Variants in RAB2B observed in about 807,000 individuals in gnomAD.
RAB2B encodes the protein ras-related protein Rab-2B.
In RAB2B, 20 loss-of-function variants were observed where a neutral mutation model predicts 29.8. The observed-to-expected ratio is 0.67, with a 90% CI of 0.47 to 0.97. The LOEUF is 0.97. RAB2B is among the 50% of genes least tolerant of loss of function. RAB2B has a pLI of 0.00. For missense variants in RAB2B, 218 were observed against 272.0 expected (o/e 0.80, Z 1.40); for synonymous variants, 93 against 91.7 (o/e 1.01, Z -0.08).
chr14:21,461,428 T>G (rs1890553757), intron 7 of RAB2B, 125 bp from the exon 8 acceptor site: 1 of 611,858 alleles, frequency 1.6e-6, no homozygotes. Context: ...GAGAAATCAT[T>G]AATTATATTT....
chr14:21,473,851 A>G lies in RAB2B; in HGVS notation c.186+1016T>C, dbSNP rs550850423. ...CACGGTGAAACCCCCTCTCTACTAA[A>G]AATACAAAAAATTAGCCAGGCGTGG... is the stretch of plus-strand genomic sequence containing the variant. On this transcript the variant is annotated intron_variant, in intron 3 of 7. Transcript: ENST00000397762. Among the ~76,000 whole-genome samples the G allele has an allele frequency of 3.3e-5, 5 of 152,102 alleles. No individual in the cohort carries two copies. The East Asian group carries it at 9.7e-4, about 29-fold the overall frequency.
At chr14:21,461,821 C>A (rs924972250) in intron 7 of RAB2B, among the ~76,000 whole-genome samples, 6 of 152,200 alleles carry the variant, frequency 3.9e-5, no homozygotes, top group Non-Finnish European at 7.3e-5. Context: ...CTCCCCAGCT[C>A]AGCCTCTCCA....
intron 5 of RAB2B, among the ~76,000 whole-genome samples, chr14:21,465,607 C>T (rs989834357): frequency 6.6e-6 from 1 of 152,164 alleles, no homozygotes; most frequent in Non-Finnish European, 1.5e-5. Flanking sequence ...CCAGAGTGAT[C>T]TTTTAAAATC....
intron 6 of RAB2B, 112 bp from the exon 7 acceptor site, chr14:21,462,530 T>A: frequency 9.6e-7 from 1 of 1,043,124 alleles, no homozygotes; most frequent in East Asian, 2.9e-5. Flanking sequence ...TAGGAACCAT[T>A]AGAAGACAGT....
At position 21,469,945 on chromosome 14, in the gene RAB2B, CCTTT is replaced by C. The variant is rs374394923; in HGVS notation, c.187-1197_187-1194del. Among the ~76,000 whole-genome samples, 110 of 148,962 alleles carry C rather than the reference CCTTT, an allele frequency of 7.4e-4. 1 individual carries two copies. In the East Asian group the frequency reaches 0.016, roughly 22 times the overall value. On this transcript the variant is annotated intron_variant, in intron 3 of 7. Transcript: ENST00000397762. Reference sequence around the variant, plus strand: ...AACCCTGGGGCCGATATTATTATTCCCTTTTTTTTTTTCTTTTTTTTTTTGAGAG... The same window carrying C: ...AACCCTGGGGCCGATATTATTATTCCTTTTTTTTCTTTTTTTTTTTGAGAG...
intron 5 of RAB2B, among the ~76,000 whole-genome samples, chr14:21,464,277 G>C (rs1445340461): frequency 6.6e-6 from 1 of 152,190 alleles, no homozygotes; most frequent in Non-Finnish European, 1.5e-5. Flanking sequence ...GCAGGTGCCT[G>C]TAATCCCAGC....
chr14:21,476,767 C>T (rs764557099), intron 1 of RAB2B, 60 bp downstream of exon 1: 2 of 1,605,144 alleles, frequency 1.2e-6, no homozygotes, highest in South Asian at 1.1e-5. Context: ...GCCCCCGCCA[C>T]CCAATTTGGG....
intron 3 of RAB2B, among the ~76,000 whole-genome samples, chr14:21,474,050 G>A (rs538195020): frequency 2.0e-5 from 3 of 152,016 alleles, no homozygotes; most frequent in East Asian, 1.9e-4. Context: ...CATTAGCCAC[G>A]TGTGGTGGTG....
intron 5 of RAB2B, 117 bp downstream of exon 5, chr14:21,468,239 AT>A (rs398056924): frequency 0.062 from 34,096 of 551,376 alleles, 1 homozygote; most frequent in East Asian, 0.093. Context: ...TCACAACAAA[AT>A]TTTTTTTTTT....
chr14:21,468,681 G>A lies in RAB2B; in HGVS notation c.258C>T (p.Tyr86=), dbSNP rs150391208. ...YRGAAGALLV[Y]DITRRETFNH... Reference sequence around the variant, plus strand: ...CAGATCTGGCTCACCTTGTAATGTCGTACACCAGCAGTGCTCCAGCTGCTC... The same window carrying A: ...CAGATCTGGCTCACCTTGTAATGTCATACACCAGCAGTGCTCCAGCTGCTC... Residue 86 remains tyrosine, a synonymous_variant, in exon 4 of 8, where the codon TAC becomes TAT. Coordinates refer to ENST00000397762, the MANE Select transcript of RAB2B (RefSeq NM_032846.4). 1.2e-4 allele frequency: 184 copies of A among 1,572,146 alleles called. No individual in the cohort carries two copies. In the African/African-American group the frequency reaches 2.1e-3, roughly 18 times the overall value.
At chr14:21,461,599 G>A (rs191516971) in intron 7 of RAB2B, among the ~76,000 whole-genome samples, 9 of 152,070 alleles carry the variant, frequency 5.9e-5, no homozygotes, top group Admixed American at 5.9e-4. Context: ...GAGGAAATGA[G>A]GTCTCCCTAT....
Position 21,460,119 on chromosome 14 carries a change from T to C in RAB2B, c.*1077A>G. ...TAGAGGAAACTGCCTTCTACAAGAA[T>C]TCTTAGGAAGTGGCAAGCAGACACC... On this transcript the variant is annotated 3_prime_UTR_variant, in exon 8 of 8. Coordinates refer to ENST00000397762, the MANE Select transcript of RAB2B (RefSeq NM_032846.4). The C allele has an allele frequency of 1.9e-6, 1 of 517,974 alleles. No homozygotes were observed. The allele number at this position is 517,974 out of a possible 1,614,324, so 32.1% of individuals were successfully genotyped here.
At chr14:21,465,465 G>C (rs996710241) in intron 5 of RAB2B, among the ~76,000 whole-genome samples, 1 of 152,138 alleles carries the variant, frequency 6.6e-6, no homozygotes, top group Non-Finnish European at 1.5e-5. Context: ...CCATTCCAAA[G>C]TGAAGTACTT....
At position 21,469,857 on chromosome 14, in the gene RAB2B, T is replaced by C. The variant is rs1594412948; in HGVS notation, c.187-1105A>G. ...TAGTACTATAAACTACTTTTTGGCA[T>C]ATAAAATGTGCTACGAACTTTAAGA... On this transcript the variant is annotated intron_variant, in intron 3 of 7. Transcript: ENST00000397762. Among the ~76,000 whole-genome samples, 3 of 152,102 alleles carry C rather than the reference T, an allele frequency of 2.0e-5. No homozygotes were observed. In the East Asian group the frequency reaches 5.8e-4, roughly 29 times the overall value.
At chr14:21,472,961 G>A (rs1335427429) in intron 3 of RAB2B, among the ~76,000 whole-genome samples, 4 of 152,208 alleles carry the variant, frequency 2.6e-5, no homozygotes, top group African/African-American at 7.2e-5. Context: ...GGAGGCTGAG[G>A]AGGGCGGATC....
intron 5 of RAB2B, among the ~76,000 whole-genome samples, chr14:21,466,706 A>C (rs1198936452): frequency 2.0e-5 from 3 of 152,224 alleles, no homozygotes. Context: ...CCATGATAAA[A>C]TTCGTTCAAT....
chr14:21,466,059 A>C (rs1890678515), intron 5 of RAB2B, among the ~76,000 whole-genome samples: 1 of 152,248 alleles, frequency 6.6e-6, no homozygotes, highest in Non-Finnish European at 1.5e-5. Flanking sequence ...AATTTGATAC[A>C]AATAATTTTA....
chr14:21,466,489 TAACAAACAAATGAA>T (rs1566468999), intron 5 of RAB2B, among the ~76,000 whole-genome samples: 3 of 151,980 alleles, frequency 2.0e-5, no homozygotes, highest in Non-Finnish European at 4.4e-5. Context: ...CTCCATCTCA[TAACAAACAAATGAA>T]AACAAACAAA....
At chr14:21,468,593 TC>T in intron 4 of RAB2B, 76 bp downstream of exon 4, 1 of 1,271,992 alleles carries the variant, frequency 7.9e-7, no homozygotes, top group African/African-American at 1.6e-5. Flanking sequence ...CTTAACAGAA[TC>T]AGTAGATAGA....
Sources: gnomAD v4.1 joint callset for allele counts (sites outside exome capture counted in the v4.1 genomes callset) on GRCh38, gnomAD v4.1.1 for gene constraint, MANE v1.5 for transcripts, NCBI Gene and HGNC (gene_info 2026-07-23, HGNC 2026-07-21) for gene names.